SLC12A2: variants seen among roughly 807,000 people sequenced by gnomAD.
SLC12A2 encodes the protein Na-K-2Cl cotransporter 1.
SLC12A2 carries 67 observed loss-of-function variants against 136.3 expected under a neutral mutation model. The ratio of observed to expected loss-of-function variants is 0.49; its 90% CI spans 0.40 to 0.60. The LOEUF is 0.60. Among genes scored for constraint, SLC12A2 ranks in the 20% least tolerant of loss-of-function variants. The pLI is 0.00. For synonymous variants in SLC12A2, 619 were observed against 562.9 expected (o/e 1.10, Z -1.41); for missense variants, 1,322 against 1,534.7 (o/e 0.86, Z 2.32).
chr5:128,178,693 AG>A lies in SLC12A2; in HGVS notation c.3100+6del. 6.5e-7 allele frequency: 1 copy of A among 1,541,970 alleles called. No individual in the cohort carries two copies. Among genetic ancestry groups the A allele is most frequent in the Non-Finnish European group, 8.7e-7 (1 of 1,149,910 alleles). ...TGGTGGCTTTTTGATGATGGAGGTAAGGTTGTTAATTTTTTTAAAATGATTT... is the reference window on the plus strand; with the variant it reads ...TGGTGGCTTTTTGATGATGGAGGTAAGTTGTTAATTTTTTTAAAATGATTT... On this transcript the variant is annotated splice_donor_5th_base_variant and intron_variant, in intron 22 of 26. Transcript: ENST00000262461.
chr5:128,167,397 T>C (rs1763236026), intron 17 of SLC12A2, among the ~76,000 whole-genome samples: 1 of 152,172 alleles, frequency 6.6e-6, no homozygotes, highest in Admixed American at 6.5e-5. Flanking sequence ...TTATAGTTTT[T>C]AATGGCTGTT....
intron 6 of SLC12A2, 121 bp from the exon 7 acceptor site, chr5:128,135,579 T>C (rs952103090): frequency 9.0e-6 from 6 of 665,596 alleles, no homozygotes; most frequent in Non-Finnish European, 1.3e-5. Context: ...TTTAAGGCAC[T>C]GGGGAATCAG....
At position 128,096,062 on chromosome 5, in the gene SLC12A2, C is replaced by G. The variant is rs115399319; in HGVS notation, c.756+11352C>G. Among the ~76,000 whole-genome samples, 432 of 152,214 alleles carry G rather than the reference C, an allele frequency of 2.8e-3. 1 individual carries two copies. Among genetic ancestry groups the G allele is most frequent in the African/African-American group, 9.8e-3 (405 of 41,530 alleles). On this transcript the variant is annotated intron_variant, in intron 1 of 26. Coordinates refer to ENST00000262461, the MANE Select transcript of SLC12A2 (RefSeq NM_001046.3). ...ACATCTGATAGGTTTCAGTAGTTTT[C>G]TGTAGCCTGGGCACAACAACCTTGC... is the stretch of plus-strand genomic sequence containing the variant.
In SLC12A2 at chr5:128,173,244, T is replaced by C. The variant is rs917055034; in HGVS notation, c.2804-1297T>C. 3.3e-5 allele frequency among the ~76,000 whole-genome samples: 5 copies of C among 152,294 alleles called. 1 individual carries two copies. The highest frequency in any genetic ancestry group is 1.9e-4 in the East Asian group (1 of 5,180). ...AGGTCTTTATCCATGTAACCAAATATGCATTTTCAGCAATCTGGAGTAGGT... is the reference window on the plus strand; with the variant it reads ...AGGTCTTTATCCATGTAACCAAATACGCATTTTCAGCAATCTGGAGTAGGT... On this transcript the variant is annotated intron_variant, in intron 19 of 26. Transcript: ENST00000262461.
intron 1 of SLC12A2, among the ~76,000 whole-genome samples, chr5:128,096,389 T>G (rs572152844): frequency 6.6e-6 from 1 of 152,108 alleles, no homozygotes; most frequent in Non-Finnish European, 1.5e-5. Flanking sequence ...GGTCTAGATA[T>G]TAACCTCTTT....
intron 17 of SLC12A2, among the ~76,000 whole-genome samples, chr5:128,166,754 G>A (rs1763216378): frequency 6.6e-6 from 1 of 151,966 alleles, no homozygotes; most frequent in African/African-American, 2.4e-5. Context: ...ATAACATTGT[G>A]AATATAATTA....
chr5:128,104,902 C>G (rs75327533), intron 1 of SLC12A2, among the ~76,000 whole-genome samples: 1 of 151,900 alleles, frequency 6.6e-6, no homozygotes, highest in Admixed American at 6.6e-5. Flanking sequence ...TTTATGAGGA[C>G]CATGTTAGAA....
At chr5:128,106,632 A>G (rs1760946386) in intron 1 of SLC12A2, among the ~76,000 whole-genome samples, 1 of 152,228 alleles carries the variant, frequency 6.6e-6, no homozygotes, top group African/African-American at 2.4e-5. Flanking sequence ...TAGAGAAGAT[A>G]CATTTTTTAT....
chr5:128,095,432 A>G (rs999424502), intron 1 of SLC12A2, among the ~76,000 whole-genome samples: 3 of 152,068 alleles, frequency 2.0e-5, no homozygotes, highest in Admixed American at 6.5e-5. Context: ...CGGTATCCCA[A>G]TTTTTTTCTT....
intron 1 of SLC12A2, among the ~76,000 whole-genome samples, chr5:128,105,491 TAGC>T (rs1435478917): frequency 6.6e-6 from 1 of 152,182 alleles, no homozygotes; most frequent in African/African-American, 2.4e-5. Flanking sequence ...ACATTAGATT[TAGC>T]AGCCAAGAAG....
chr5:128,174,345 A>G (rs1481922331), intron 19 of SLC12A2, among the ~76,000 whole-genome samples, 196 bp from the exon 20 acceptor site: 1 of 152,156 alleles, frequency 6.6e-6, no homozygotes, highest in Non-Finnish European at 1.5e-5. Context: ...AGATCAGGAT[A>G]TTCAACCTGT....
At chr5:128,146,325 A>G (rs1019016420) in intron 10 of SLC12A2, among the ~76,000 whole-genome samples, 5 of 151,598 alleles carry the variant, frequency 3.3e-5, no homozygotes, top group African/African-American at 4.8e-5. Flanking sequence ...TTTTATAGCT[A>G]TTTTTTCTAA....
Position 128,083,781 on chromosome 5 carries a change from C to T in SLC12A2, c.-174C>T. ...CGCGCCCGCCACACTCGCGCGCTCG[C>T]TCGGCTGCCGGTGGCCTCTGTGGCC... is the stretch of plus-strand genomic sequence containing the variant. On this transcript the variant is annotated 5_prime_UTR_variant, in exon 1 of 27. Transcript: ENST00000262461. 1 of 422,504 alleles carries T rather than the reference C, an allele frequency of 2.4e-6. No individual in the cohort carries two copies. The highest frequency in any genetic ancestry group is 3.9e-6 in the Non-Finnish European group (1 of 257,568). 26.2% of individuals were successfully genotyped at this position (422,504 alleles called of 1,614,324 possible). A position where few individuals can be genotyped will look rare whatever the true frequency, so the allele number is the denominator to read the frequency against.
intron 5 of SLC12A2, among the ~76,000 whole-genome samples, chr5:128,132,709 C>T (rs1762065320): frequency 6.6e-6 from 1 of 152,078 alleles, no homozygotes; most frequent in Admixed American, 6.5e-5. Context: ...AGGATTGACA[C>T]CTGCGTTGAC....
intron 4 of SLC12A2, among the ~76,000 whole-genome samples, chr5:128,128,859 C>A (rs1227294381): frequency 1.3e-5 from 2 of 149,808 alleles, no homozygotes; most frequent in Non-Finnish European, 3.0e-5. Context: ...AGGAATAGGG[C>A]AAATAACTGT....
chr5:128,181,057 T>C, intron 23 of SLC12A2, 63 bp downstream of exon 23: 1 of 997,360 alleles, frequency 1.0e-6, no homozygotes, highest in Admixed American at 2.0e-5. Flanking sequence ...AGTATAAATT[T>C]GATAGGATAA....
intron 1 of SLC12A2, among the ~76,000 whole-genome samples, chr5:128,097,939 G>C (rs1163024381): frequency 6.6e-6 from 1 of 151,924 alleles, no homozygotes; most frequent in Non-Finnish European, 1.5e-5. Flanking sequence ...GAGTTTTGAA[G>C]GATAGTTTTG....
At chr5:128,137,609 A>G (rs548136450) in intron 7 of SLC12A2, among the ~76,000 whole-genome samples, 2 of 152,350 alleles carry the variant, frequency 1.3e-5, no homozygotes, top group South Asian at 4.1e-4. Flanking sequence ...TTTATATTGC[A>G]TCTCCAAGTA....
chr5:128,120,255 TTGG>T (rs1276654521), intron 4 of SLC12A2, among the ~76,000 whole-genome samples: 5 of 149,912 alleles, frequency 3.3e-5, no homozygotes, highest in African/African-American at 1.2e-4. Context: ...TTTTACACCG[TTGG>T]TGGGACTGTA....
Sources: gnomAD v4.1 joint callset for allele counts (sites outside exome capture counted in the v4.1 genomes callset) on GRCh38, gnomAD v4.1.1 for gene constraint, MANE v1.5 for transcripts, NCBI Gene and HGNC (gene_info 2026-07-23, HGNC 2026-07-21) for gene names.